Variants in ZNF644 observed in about 807,000 individuals in gnomAD.
The protein encoded by ZNF644 is zinc finger protein 644, also known as zinc finger motif enhancer binding protein 2.
ZNF644 carries 20 observed loss-of-function variants against 108.0 expected under a neutral mutation model. That is an observed-to-expected ratio of 0.19 (90% CI 0.13 to 0.27). The LOEUF (loss-of-function observed/expected upper bound fraction) is 0.27. ZNF644 is among the 10% of genes least tolerant of loss of function. The probability of loss-of-function intolerance (pLI) is 1.00; values close to 1 mark genes in which losing one functional copy is unlikely to be tolerated. For synonymous variants in ZNF644, 542 were observed against 539.1 expected, an observed-to-expected ratio of 1.01 and a Z score of -0.08; for missense variants, 1,338 against 1,548.9, an observed-to-expected ratio of 0.86 and a Z score of 2.29.
chr1:90,987,122 A>G (rs912275066), intron 1 of ZNF644, among the ~76,000 whole-genome samples: 2 of 151,170 alleles, frequency 1.3e-5, no homozygotes, highest in Admixed American at 6.6e-5. Flanking sequence ...GAACTAGAAA[A>G]AAGAGGAACA....
intron 5 of ZNF644, 47 bp from the exon 6 acceptor site, chr1:90,917,037 T>A: frequency 6.3e-7 from 1 of 1,585,268 alleles, no homozygotes. Context: ...TCTCTTTCTT[T>A]AAAACTAATT....
chr1:91,001,581 A>G (rs1180826064), intron 1 of ZNF644, among the ~76,000 whole-genome samples: 1 of 152,220 alleles, frequency 6.6e-6, no homozygotes, highest in Non-Finnish European at 1.5e-5. Context: ...CCAATATCAT[A>G]CTGAATGGAC....
chr1:90,971,757 T>C (rs1655504210), intron 2 of ZNF644, among the ~76,000 whole-genome samples: 1 of 152,084 alleles, frequency 6.6e-6, no homozygotes, highest in Admixed American at 6.6e-5. Flanking sequence ...CTAGAATTCC[T>C]AGCCAGAGCA....
intron 1 of ZNF644, among the ~76,000 whole-genome samples, chr1:91,011,183 T>A (rs1483617612): frequency 2.0e-5 from 3 of 152,154 alleles, no homozygotes; most frequent in Non-Finnish European, 4.4e-5. Context: ...ATAAGAAAAG[T>A]TGACAGGTGA....
In ZNF644 at chr1:90,916,870, C is replaced by T. The variant is rs1038228759; in HGVS notation, c.3912G>A (p.Thr1304=). The change falls in exon 6 of 6, where the codon ACG becomes ACA. Residue 1304 remains threonine, a synonymous_variant. Coordinates refer to ENST00000337393, the MANE Select transcript of ZNF644 (RefSeq NM_201269.3). ...PRTGAGMVEV[T]SLLKKPASIT... ...TGGAGGCAGGCTTTTTAAGTAGTGA[C>T]GTGACTTCCACCATGCCAGCTCCAG... 11 of 1,614,012 alleles carry T rather than the reference C, an allele frequency of 6.8e-6. No individual in the cohort carries two copies. Among genetic ancestry groups the T allele is most frequent in the African/African-American group, 4.0e-5 (3 of 74,886 alleles).
rs1649484241 is a variant in ZNF644 at position 90,921,891 on chromosome 1, A to G, written c.3689-3737T>C. On this transcript the variant is annotated intron_variant, in intron 4 of 5. Coordinates refer to ENST00000337393, the MANE Select transcript of ZNF644 (RefSeq NM_201269.3). ...ACGACCAATGACCATGACGACAACA[A>G]CATGCCAAAGCACTAAACCAGATTG... Among the ~76,000 whole-genome samples, 3 of 152,284 alleles carry G rather than the reference A, an allele frequency of 2.0e-5. No individual in the cohort carries two copies. In the South Asian group the frequency reaches 6.2e-4, roughly 32 times the overall value.
At chr1:90,955,505 T>A (rs1036133738) in intron 2 of ZNF644, among the ~76,000 whole-genome samples, 3 of 152,222 alleles carry the variant, frequency 2.0e-5, no homozygotes, top group African/African-American at 7.2e-5. Context: ...CAGAGCTAGA[T>A]CTCCTCGGTA....
intron 2 of ZNF644, among the ~76,000 whole-genome samples, chr1:90,979,422 G>A (rs1280041074): frequency 6.6e-6 from 1 of 152,132 alleles, no homozygotes; most frequent in Non-Finnish European, 1.5e-5. Flanking sequence ...GCAGTGAGCT[G>A]AGACTGTGCC....
chr1:90,951,232 G>A (rs576001), intron 2 of ZNF644, among the ~76,000 whole-genome samples: 20,597 of 152,024 alleles, frequency 0.14, 1,443 homozygotes, highest in South Asian at 0.16. Flanking sequence ...CACAGCAATC[G>A]GAGTGATCCA....
chr1:90,998,911 C>G (rs528617335), intron 1 of ZNF644, among the ~76,000 whole-genome samples: 2 of 152,288 alleles, frequency 1.3e-5, no homozygotes, highest in East Asian at 3.9e-4. Context: ...GCACAAGCTT[C>G]AGTAGCCGAT....
intron 2 of ZNF644, among the ~76,000 whole-genome samples, chr1:90,974,707 C>G (rs576030331): frequency 6.6e-6 from 1 of 152,300 alleles, no homozygotes; most frequent in South Asian, 2.1e-4. Flanking sequence ...CAGCATGCTC[C>G]CCATACTAAC....
intron 5 of ZNF644, among the ~76,000 whole-genome samples, chr1:90,917,800 G>C (rs776688492): frequency 2.0e-5 from 3 of 152,132 alleles, no homozygotes; most frequent in Non-Finnish European, 4.4e-5. Context: ...ACCTGGCCAA[G>C]CTACTTTAAT....
intron 1 of ZNF644, among the ~76,000 whole-genome samples, chr1:90,982,617 A>G (rs1238696244): frequency 6.6e-6 from 1 of 152,078 alleles, no homozygotes; most frequent in Non-Finnish European, 1.5e-5. Flanking sequence ...ATTGAAACTA[A>G]TTCTTTTTTT....
intron 2 of ZNF644, among the ~76,000 whole-genome samples, chr1:90,982,070 C>T (rs1656603120): frequency 6.6e-6 from 1 of 152,006 alleles, no homozygotes; most frequent in African/African-American, 2.4e-5. Flanking sequence ...AACTTGAATG[C>T]TTTAGTTAAC....
chr1:90,957,007 A>G (rs1653817337), intron 2 of ZNF644, among the ~76,000 whole-genome samples: 5 of 152,204 alleles, frequency 3.3e-5, no homozygotes, highest in Admixed American at 3.3e-4. Context: ...GAATTATAAC[A>G]GAATACTATG....
At position 90,982,808 on chromosome 1, in the gene ZNF644, T is replaced by C. The variant is rs143344515; in HGVS notation, c.-17-438A>G. Reference sequence around the variant, plus strand: ...TAGTATTGGAACACATAAAAGTATATACACATAAAAGTATATAACAAAGTA... The same window carrying C: ...TAGTATTGGAACACATAAAAGTATACACACATAAAAGTATATAACAAAGTA... On this transcript the variant is annotated intron_variant, in intron 1 of 5. Transcript: ENST00000337393. Among the ~76,000 whole-genome samples the C allele has an allele frequency of 7.0e-3, 1,058 of 151,984 alleles. 16 individuals carry two copies. Among genetic ancestry groups the C allele is most frequent in the African/African-American group, 0.024 (991 of 41,388 alleles).
intron 4 of ZNF644, among the ~76,000 whole-genome samples, chr1:90,932,162 T>A (rs944182192): frequency 6.6e-6 from 1 of 152,150 alleles, no homozygotes; most frequent in African/African-American, 2.4e-5. Context: ...GATTATAAGT[T>A]AGAAGAAATA....
chr1:90,962,640 G>A (rs1157978628), intron 2 of ZNF644, among the ~76,000 whole-genome samples: 1 of 152,094 alleles, frequency 6.6e-6, no homozygotes, highest in African/African-American at 2.4e-5. Flanking sequence ...ACCCTGGCTA[G>A]ATGTTTGTTT....
intron 2 of ZNF644, among the ~76,000 whole-genome samples, chr1:90,971,015 A>C (rs910532324): frequency 2.0e-5 from 3 of 151,604 alleles, no homozygotes; most frequent in Non-Finnish European, 4.4e-5. Context: ...AAAAAAAAAA[A>C]AAACACTATC....
Sources: allele counts gnomAD v4.1 joint callset (sites outside exome capture counted in the v4.1 genomes callset), GRCh38; gene constraint gnomAD v4.1.1; transcripts MANE v1.5; gene names NCBI Gene and HGNC (gene_info 2026-07-23, HGNC 2026-07-21).